The following TMOD3 variants were observed in gnomAD, a reference collection of about 807,000 sequenced individuals.
TMOD3 encodes tropomodulin-3.
A neutral mutation model predicts 39.2 loss-of-function variants in TMOD3; 20 were observed. The ratio of observed to expected loss-of-function variants is 0.51; its 90% CI spans 0.36 to 0.74. The LOEUF (loss-of-function observed/expected upper bound fraction) is 0.74, where lower values mean the gene tolerates loss of function less well. Among genes scored for constraint, TMOD3 ranks in the 30% least tolerant of loss-of-function variants. The probability of loss-of-function intolerance (pLI) is 0.00; values close to 1 mark genes in which losing one functional copy is unlikely to be tolerated. For synonymous variants in TMOD3, 143 were observed against 145.8 expected (o/e 0.98, Z 0.14); for missense variants, 381 against 412.8 (o/e 0.92, Z 0.67).
intron 1 of TMOD3, among the ~76,000 whole-genome samples, chr15:51,861,554 TAAAGGA>T (rs71947839): frequency 0.36 from 53,929 of 151,332 alleles, 10,008 homozygotes; most frequent in Middle Eastern, 0.42. Context: ...GAAGGGGTAG[TAAAGGA>T]AATGTATCAA....
At chr15:51,859,738 C>T (rs568081926) in intron 1 of TMOD3, 2 of 488,378 alleles carry the variant, frequency 4.1e-6, no homozygotes, top group African/African-American at 4.0e-5. Flanking sequence ...TTGAGTCAAT[C>T]AGCACATGCA....
rs1364113632 is a variant in TMOD3 at position 51,901,889 on chromosome 15, C to T, written c.880-3C>T. 6.2e-7 allele frequency: 1 copy of T among 1,611,986 alleles called. No homozygotes were observed. Among genetic ancestry groups the T allele is most frequent in the Non-Finnish European group, 8.5e-7 (1 of 1,179,444 alleles). Reference sequence around the variant, plus strand: ...TATTGTTCTTTTTTTCTAATTACTCCAGAGGCAGCAGTTGGGGACAGCTGT... The same window carrying T: ...TATTGTTCTTTTTTTCTAATTACTCTAGAGGCAGCAGTTGGGGACAGCTGT... On this transcript the variant is annotated splice_region_variant and splice_polypyrimidine_tract_variant and intron_variant, in intron 8 of 9. Transcript: ENST00000308580.
chr15:51,871,090 G>C (rs1450570206), intron 3 of TMOD3, among the ~76,000 whole-genome samples: 1 of 152,114 alleles, frequency 6.6e-6, no homozygotes, highest in Non-Finnish European at 1.5e-5. Context: ...TTAGAACAAT[G>C]TTTGAGAAAA....
At chr15:51,849,343 GA>G (rs1258114036) in intron 1 of TMOD3, among the ~76,000 whole-genome samples, 5 of 152,320 alleles carry the variant, frequency 3.3e-5, no homozygotes, top group African/African-American at 1.2e-4. Context: ...CATCCAAGTG[GA>G]GATTTTACAT....
intron 3 of TMOD3, among the ~76,000 whole-genome samples, chr15:51,876,521 G>T (rs1474824096): frequency 6.6e-6 from 1 of 150,706 alleles, no homozygotes; most frequent in Non-Finnish European, 1.5e-5. Flanking sequence ...GAGTGCAGTG[G>T]TGTGATCTCG....
rs189935510 is a variant in TMOD3, at chr15:51,862,680, A to G, written c.-74-131A>G. The G allele has an allele frequency of 3.7e-3, 1,137 of 311,070 alleles. 5 individuals carry two copies. Among genetic ancestry groups the G allele is most frequent in the Non-Finnish European group, 5.7e-3 (997 of 174,480 alleles). The allele number at this position is 311,070 out of a possible 1,614,324, so 19.3% of individuals were successfully genotyped here. ...AAAGGCATTGAATGATTCATAAACA[A>G]GAATAGTATGTGATATGTGATCAAA... On this transcript the variant is annotated intron_variant, in intron 1 of 9. Transcript: ENST00000308580.
chr15:51,861,658 T>A (rs1261101859), intron 1 of TMOD3, among the ~76,000 whole-genome samples: 1 of 113,724 alleles, frequency 8.8e-6, no homozygotes, highest in Non-Finnish European at 1.8e-5. Flanking sequence ...TACTAGGTAC[T>A]TTTTTTTTTT....
At chr15:51,848,636 C>T (rs1009268496) in intron 1 of TMOD3, among the ~76,000 whole-genome samples, 2 of 152,060 alleles carry the variant, frequency 1.3e-5, no homozygotes, top group Non-Finnish European at 2.9e-5. Context: ...GCTAGTGAAC[C>T]GTATCTACTT....
At chr15:51,901,510 A>G (rs968219570) in intron 8 of TMOD3, 3 of 171,626 alleles carry the variant, frequency 1.7e-5, no homozygotes, top group Non-Finnish European at 3.7e-5. Context: ...GTGATATGTC[A>G]TTATAGTAAT....
chr15:51,854,660 C>T (rs1170611214), intron 1 of TMOD3, among the ~76,000 whole-genome samples: 1 of 152,124 alleles, frequency 6.6e-6, no homozygotes, highest in Non-Finnish European at 1.5e-5. Flanking sequence ...ATATATAGAT[C>T]CCTTTTAAAG....
intron 1 of TMOD3, among the ~76,000 whole-genome samples, chr15:51,836,118 T>A (rs2056281606): frequency 6.6e-6 from 1 of 152,180 alleles, no homozygotes. Flanking sequence ...TCCCCCTTTC[T>A]CTAACATATA....
In TMOD3 at chr15:51,900,239, G is replaced by A. The variant is rs778724165; in HGVS notation, c.820G>A (p.Ala274Thr). Residue 274 changes from alanine (A) to threonine (T), a missense_variant, in exon 8 of 10, where the codon GCA (alanine) becomes ACA (threonine). By Grantham distance (58) the Ala-to-Thr change is moderately conservative (BLOSUM62 0). Coordinates refer to ENST00000308580, the MANE Select transcript of TMOD3 (RefSeq NM_014547.5). ...CTTTATCACGGGAGTTGGGATTCTG[G>A]CACTGATTGATGCGTTAAGAGATAA... ...SNFITGVGIL[A>T]LIDALRDNET... 1.2e-6 allele frequency: 2 copies of A among 1,614,200 alleles called. No individual in the cohort carries two copies. The highest frequency in any genetic ancestry group is 1.7e-5 in the Admixed American group (1 of 60,012).
At chr15:51,831,817 C>T (rs1483384186) in intron 1 of TMOD3, among the ~76,000 whole-genome samples, 2 of 151,706 alleles carry the variant, frequency 1.3e-5, no homozygotes, top group Non-Finnish European at 2.9e-5. Flanking sequence ...TTCATGAATT[C>T]AAGTATGTGT....
At chr15:51,887,566 T>A (rs1302922655) in intron 3 of TMOD3, 23 bp from the exon 4 acceptor site, 1 of 1,607,304 alleles carries the variant, frequency 6.2e-7, no homozygotes, top group South Asian at 1.1e-5. Flanking sequence ...GTAATGGAAT[T>A]AACAAAATGC....
At chr15:51,903,173 T>C (rs2056661791) in intron 9 of TMOD3, among the ~76,000 whole-genome samples, 1 of 152,214 alleles carries the variant, frequency 6.6e-6, no homozygotes, top group South Asian at 2.1e-4. Context: ...TGCATACATC[T>C]AGGTCAGTAA....
intron 1 of TMOD3, among the ~76,000 whole-genome samples, chr15:51,838,801 A>G (rs370270283): frequency 6.6e-6 from 1 of 152,000 alleles, no homozygotes; most frequent in African/African-American, 2.4e-5. Flanking sequence ...TTCAGCTTCA[A>G]GGTGACTAGC....
chr15:51,855,953 A>G (rs549974743), intron 1 of TMOD3, among the ~76,000 whole-genome samples: 1 of 152,334 alleles, frequency 6.6e-6, no homozygotes, highest in African/African-American at 2.4e-5. Context: ...TAATGGGAAC[A>G]TCTGAGGAAA....
chr15:51,874,359 G>T (rs1175498479), intron 3 of TMOD3, among the ~76,000 whole-genome samples: 1 of 152,194 alleles, frequency 6.6e-6, no homozygotes, highest in African/African-American at 2.4e-5. Flanking sequence ...ATTAAGTGAA[G>T]CTCAAGGCCT....
intron 2 of TMOD3, among the ~76,000 whole-genome samples, chr15:51,865,514 T>C (rs1037348868): frequency 1.3e-5 from 2 of 152,184 alleles, no homozygotes; most frequent in Non-Finnish European, 1.5e-5. Context: ...TGGCTAATTT[T>C]TTATTTGTAA....
Sources: gnomAD v4.1 joint callset for allele counts (sites outside exome capture counted in the v4.1 genomes callset) on GRCh38, gnomAD v4.1.1 for gene constraint, MANE v1.5 for transcripts, NCBI Gene and HGNC (gene_info 2026-07-23, HGNC 2026-07-21) for gene names.